The following LRMDA variants were observed in gnomAD, a reference collection of about 807,000 sequenced individuals.
LRMDA encodes the protein leucine-rich melanocyte differentiation-associated protein.
LRMDA carries 18 observed loss-of-function variants against 29.8 expected under a neutral mutation model. That is an observed-to-expected ratio of 0.60 (90% CI 0.42 to 0.90). The LOEUF is 0.90. LRMDA is among the 40% of genes least tolerant of loss of function. LRMDA has a pLI of 0.00. For missense variants in LRMDA, 273 were observed against 273.9 expected, an observed-to-expected ratio of 1.00 and a Z score of 0.02; for synonymous variants, 125 against 109.4, an observed-to-expected ratio of 1.14 and a Z score of -0.89.
intron 2 of LRMDA, among the ~76,000 whole-genome samples, chr10:75,787,196 G>A (rs1401160439): frequency 1.3e-5 from 2 of 152,286 alleles, no homozygotes; most frequent in South Asian, 2.1e-4. Flanking sequence ...CTTTGATACC[G>A]TCTCTGGGGT....
At chr10:76,207,487 C>T (rs1380018594) in intron 5 of LRMDA, among the ~76,000 whole-genome samples, 1 of 152,166 alleles carries the variant, frequency 6.6e-6, no homozygotes. Flanking sequence ...TTATTACTGA[C>T]TTAAGTATTT....
rs181625073 is a variant in LRMDA, at chr10:75,897,892, G to A, written c.132-138116G>A. On this transcript the variant is annotated intron_variant, in intron 2 of 6. Coordinates refer to ENST00000611255, the MANE Select transcript of LRMDA (RefSeq NM_001305581.2). ...GGCTGTAGTGCAGTGGCACAATCTC[G>A]GCTCACTGCAACCTCCACCTCCCAG... Among the ~76,000 whole-genome samples the A allele has an allele frequency of 6.9e-3, 871 of 126,402 alleles. 11 individuals are homozygous for A. The highest frequency in any genetic ancestry group is 0.025 in the African/African-American group (841 of 33,826). The allele number at this position is 126,402 out of a possible 152,430, so 82.9% of individuals were successfully genotyped here.
At chr10:76,012,074 C>T (rs974263421) in intron 2 of LRMDA, among the ~76,000 whole-genome samples, 8 of 152,264 alleles carry the variant, frequency 5.3e-5, no homozygotes, top group Admixed American at 5.2e-4. Flanking sequence ...TTCAGGGTTG[C>T]CAGGTTGTCA....
intron 2 of LRMDA, among the ~76,000 whole-genome samples, chr10:75,561,338 T>A (rs1391465379): frequency 6.7e-6 from 1 of 148,906 alleles, no homozygotes; most frequent in African/African-American, 2.4e-5. Context: ...GTTTGTAGTA[T>A]TCTCTGATGG....
At chr10:76,131,972 G>A (rs538642535) in intron 5 of LRMDA, among the ~76,000 whole-genome samples, 260 of 152,274 alleles carry the variant, frequency 1.7e-3, no homozygotes, top group African/African-American at 5.8e-3. Context: ...TGTTCCTTAA[G>A]CATTTAAAAA....
chr10:75,500,035 CT>C (rs1396746815), intron 2 of LRMDA, among the ~76,000 whole-genome samples: 1 of 152,100 alleles, frequency 6.6e-6, no homozygotes, highest in South Asian at 2.1e-4. Flanking sequence ...GTTTTCTACA[CT>C]TTTTTTTCCT....
chr10:75,689,787 A>G (rs1842122691), intron 2 of LRMDA, among the ~76,000 whole-genome samples: 1 of 152,182 alleles, frequency 6.6e-6, no homozygotes, highest in South Asian at 2.1e-4. Context: ...CATTTTCATC[A>G]GAAATGACCA....
At chr10:76,100,215 T>C (rs1381406533) in intron 5 of LRMDA, among the ~76,000 whole-genome samples, 1 of 152,180 alleles carries the variant, frequency 6.6e-6, no homozygotes, top group African/African-American at 2.4e-5. Flanking sequence ...AGAACTTTGC[T>C]CCTTAGTTCA....
intron 6 of LRMDA, among the ~76,000 whole-genome samples, chr10:76,340,795 A>G (rs1841032600): frequency 1.3e-5 from 2 of 152,086 alleles, no homozygotes; most frequent in South Asian, 2.1e-4. Flanking sequence ...CGCAATAAAG[A>G]TTGGGGTAAA....
At chr10:75,643,346 C>T (rs865910349) in intron 2 of LRMDA, among the ~76,000 whole-genome samples, 5 of 152,274 alleles carry the variant, frequency 3.3e-5, no homozygotes, top group Middle Eastern at 3.4e-3. Context: ...AATCTCAGTT[C>T]CTCCTTTGTA....
intron 2 of LRMDA, among the ~76,000 whole-genome samples, chr10:75,576,104 G>A (rs559045707): frequency 6.6e-6 from 1 of 152,258 alleles, no homozygotes; most frequent in East Asian, 1.9e-4. Context: ...AGCCCAGCAA[G>A]CTAAGATCCA....
intron 6 of LRMDA, among the ~76,000 whole-genome samples, 188 bp from the exon 7 acceptor site, chr10:76,557,021 A>C (rs556823047): frequency 4.6e-5 from 7 of 152,142 alleles, no homozygotes; most frequent in East Asian, 1.9e-4. Context: ...TTCAATGTCA[A>C]CTCTGAGGTT....
chr10:76,132,589 C>T (rs1340666931), intron 5 of LRMDA, among the ~76,000 whole-genome samples: 2 of 152,096 alleles, frequency 1.3e-5, no homozygotes, highest in Non-Finnish European at 1.5e-5. Flanking sequence ...TTTCCATTCA[C>T]CAGAATGCCT....
intron 5 of LRMDA, among the ~76,000 whole-genome samples, chr10:76,135,434 T>G (rs773555261): frequency 6.6e-6 from 1 of 152,222 alleles, no homozygotes; most frequent in South Asian, 2.1e-4. Flanking sequence ...CCTTCAAGGC[T>G]TCTATCTTGG....
rs1215589461 is a variant in LRMDA, at chr10:75,543,225, G to A, written c.131+104731G>A. On this transcript the variant is annotated intron_variant, in intron 2 of 6. Transcript: ENST00000611255. ...ATGACTTAGGCATGTTCCCTCTCTC[G>A]CATGAGGCCATGGGTCCCTCCCACT... 4.6e-5 allele frequency among the ~76,000 whole-genome samples: 7 copies of A among 152,176 alleles called. No individual in the cohort carries two copies. In the South Asian group the frequency reaches 1.0e-3, roughly 23 times the overall value.
At chr10:76,161,799 A>C (rs1045409452) in intron 5 of LRMDA, among the ~76,000 whole-genome samples, 4 of 152,186 alleles carry the variant, frequency 2.6e-5, no homozygotes, top group African/African-American at 9.7e-5. Context: ...AAATTTAACC[A>C]AAAGAAGGGC....
chr10:76,216,569 T>C (rs1021662470), intron 5 of LRMDA, among the ~76,000 whole-genome samples: 2 of 151,898 alleles, frequency 1.3e-5, no homozygotes, highest in African/African-American at 4.9e-5. Flanking sequence ...TGAAGAGATA[T>C]TCCCAACATT....
intron 2 of LRMDA, among the ~76,000 whole-genome samples, chr10:76,020,253 C>A (rs1224228550): frequency 6.6e-6 from 1 of 152,140 alleles, no homozygotes; most frequent in Non-Finnish European, 1.5e-5. Context: ...GCACATGTGG[C>A]TTTTATTTGG....
intron 2 of LRMDA, among the ~76,000 whole-genome samples, chr10:75,909,170 A>T (rs914909664): frequency 6.6e-6 from 1 of 152,234 alleles, no homozygotes; most frequent in Non-Finnish European, 1.5e-5. Flanking sequence ...ACAAGTGAAA[A>T]TATTTTACCC....
Sources: gnomAD v4.1 joint callset for allele counts (sites outside exome capture counted in the v4.1 genomes callset) on GRCh38, gnomAD v4.1.1 for gene constraint, MANE v1.5 for transcripts, NCBI Gene and HGNC (gene_info 2026-07-23, HGNC 2026-07-21) for gene names.